SRP19: variants seen among roughly 807,000 people sequenced by gnomAD.
SRP19 encodes signal recognition particle 19.
Under a neutral mutation model 22.4 loss-of-function variants are expected in SRP19, and 11 were observed. The observed-to-expected ratio is 0.49, with a 90% CI of 0.31 to 0.81. The LOEUF is 0.81. Ranked by LOEUF, SRP19 falls within the 40% of genes least tolerant of loss-of-function variation. The pLI, the probability that SRP19 is intolerant of heterozygous loss-of-function variation, is 0.05. For synonymous variants in SRP19, 61 were observed against 57.6 expected (o/e 1.06, Z -0.27); for missense variants, 168 against 175.9 (o/e 0.96, Z 0.25).
At chr5:112,875,372 G>GTT (rs5870515) in intron 4 of SRP19, among the ~76,000 whole-genome samples, 1 of 142,978 alleles carries the variant, frequency 7.0e-6, no homozygotes. Flanking sequence ...TTTGTTTTTG[G>GTT]TTTTTTTTTT....
downstream of SRP19, chr5:112,895,356 C>G (rs1768650977): frequency 6.6e-6 from 1 of 150,782 alleles, no homozygotes; most frequent in African/African-American, 2.4e-5. Flanking sequence ...AATTAATGTA[C>G]TTGAAGAAAG....
chr5:112,872,287 A>AATTCAG, downstream of SRP19, among the ~76,000 whole-genome samples: 1 of 150,286 alleles, frequency 6.7e-6, no homozygotes, highest in Admixed American at 6.7e-5. Context: ...CCCAGCCCAG[A>AATTCAG]ATTCAGATGT....
downstream of SRP19, among the ~76,000 whole-genome samples, chr5:112,872,726 G>A (rs1233196076): frequency 6.6e-6 from 1 of 152,146 alleles, no homozygotes; most frequent in Non-Finnish European, 1.5e-5. Flanking sequence ...ACCATTGTCT[G>A]GAGTGACTCA....
chr5:112,892,622 G>T, exon 5 of SRP19: 1 of 1,614,090 alleles, frequency 6.2e-7, no homozygotes, highest in South Asian at 1.1e-5. Flanking sequence ...TGTCCAAGAG[G>T]AAAACACTGC....
At chr5:112,872,945 C>A (rs933262766), downstream of SRP19, among the ~76,000 whole-genome samples, 1 of 151,964 alleles carries the variant, frequency 6.6e-6, no homozygotes, top group African/African-American at 2.4e-5. Flanking sequence ...CTTTGGAAGT[C>A]ATTTTGTTTA....
At chr5:112,896,711 G>A (rs1768690131), downstream of SRP19, 1 of 151,370 alleles carries the variant, frequency 6.6e-6, no homozygotes, top group Non-Finnish European at 1.5e-5. Flanking sequence ...TGAGGTGGGT[G>A]GATCACAAGG....
At chr5:112,888,263 G>A (rs993683872) in intron 4 of SRP19, among the ~76,000 whole-genome samples, 1 of 152,162 alleles carries the variant, frequency 6.6e-6, no homozygotes, top group Non-Finnish European at 1.5e-5. Flanking sequence ...GTGTTTTAGA[G>A]ATACAAAGCT....
At chr5:112,863,199 C>A (rs1369882786) in intron 2 of SRP19, among the ~76,000 whole-genome samples, 2 of 152,144 alleles carry the variant, frequency 1.3e-5, no homozygotes, top group Non-Finnish European at 2.9e-5. Flanking sequence ...GGATGACCAC[C>A]GTTATGACTT....
chr5:112,866,518 TG>T (rs1162371603), intron 4 of SRP19, among the ~76,000 whole-genome samples: 1 of 151,558 alleles, frequency 6.6e-6, no homozygotes, highest in Non-Finnish European at 1.5e-5. Flanking sequence ...TTTCTAGAGA[TG>T]GGGTTTTGCT....
downstream of SRP19, among the ~76,000 whole-genome samples, chr5:112,870,464 G>A (rs932586748): frequency 2.0e-5 from 3 of 151,142 alleles, no homozygotes; most frequent in African/African-American, 7.3e-5. Context: ...CAGCAGAGCT[G>A]GACCCTGTCT....
At chr5:112,863,200 G>A (rs757202093) in intron 2 of SRP19, among the ~76,000 whole-genome samples, 3 of 152,144 alleles carry the variant, frequency 2.0e-5, no homozygotes, top group Non-Finnish European at 4.4e-5. Context: ...GATGACCACC[G>A]TTATGACTTC....
At chr5:112,898,241 A>G (rs1035951078) in exon 4 of SRP19, 2 of 152,238 alleles carry the variant, frequency 1.3e-5, no homozygotes, top group Admixed American at 1.3e-4. Flanking sequence ...CAGTCTGTTC[A>G]CTAGGTCATT....
At chr5:112,866,584 C>T (rs368651592) in intron 4 of SRP19, among the ~76,000 whole-genome samples, 1 of 152,162 alleles carries the variant, frequency 6.6e-6, no homozygotes, top group East Asian at 1.9e-4. Flanking sequence ...CCTGCCTCAG[C>T]CTCCCAAAGA....
At chr5:112,882,722 AGACAT>A (rs1768118628) in intron 4 of SRP19, among the ~76,000 whole-genome samples, 1 of 152,222 alleles carries the variant, frequency 6.6e-6, no homozygotes. Flanking sequence ...GCTGCAACAG[AGACAT>A]GATAGCCCAC....
intron 4 of SRP19, chr5:112,878,313 T>G (rs1767959021): frequency 6.4e-6 from 1 of 157,080 alleles, no homozygotes; most frequent in African/African-American, 2.4e-5. Flanking sequence ...TGATGCATGT[T>G]GTAGTCAGAC....
At chr5:112,886,022 G>A (rs1406319793) in intron 4 of SRP19, among the ~76,000 whole-genome samples, 1 of 152,140 alleles carries the variant, frequency 6.6e-6, no homozygotes, top group Non-Finnish European at 1.5e-5. Flanking sequence ...CCCCTTCAGC[G>A]ACATGGCCTC....
At chr5:112,892,202 T>G (rs1395928937) in exon 5 of SRP19, 61 of 1,614,084 alleles carry the variant, frequency 3.8e-5, no homozygotes, top group Non-Finnish European at 5.0e-5. Flanking sequence ...GCTTGCAGAT[T>G]TGGAGACAGA....
At chr5:112,874,899 C>G (rs1259811043) in intron 4 of SRP19, among the ~76,000 whole-genome samples, 1 of 152,016 alleles carries the variant, frequency 6.6e-6, no homozygotes, top group African/African-American at 2.4e-5. Flanking sequence ...CCTCAGCCTC[C>G]CAAGTAGCTG....
At chr5:112,872,665 C>G (rs1039640606), downstream of SRP19, among the ~76,000 whole-genome samples, 1 of 152,120 alleles carries the variant, frequency 6.6e-6, no homozygotes, top group Non-Finnish European at 1.5e-5. Flanking sequence ...CTTTGCCTGG[C>G]TCTGATCTCT....
Sources: gnomAD v4.1 joint callset for allele counts (sites outside exome capture counted in the v4.1 genomes callset) on GRCh38, gnomAD v4.1.1 for gene constraint, MANE v1.5 for transcripts, NCBI Gene and HGNC (gene_info 2026-07-23, HGNC 2026-07-21) for gene names.